Variants in COMMD7 observed in about 807,000 individuals in gnomAD.
COMMD7 encodes the protein COMM domain-containing protein 7.
Under a neutral mutation model 34.8 loss-of-function variants are expected in COMMD7, and 28 were observed. The observed-to-expected ratio is 0.80, with a 90% confidence interval of 0.60 to 1.10. The LOEUF is 1.10. COMMD7 is among the 50% of genes least tolerant of loss of function. The pLI, the probability that COMMD7 is intolerant of heterozygous loss-of-function variation, is 0.00. For missense variants in COMMD7, 211 were observed against 241.6 expected, an observed-to-expected ratio of 0.87 and a Z score of 0.84; for synonymous variants, 80 against 86.4, an observed-to-expected ratio of 0.93 and a Z score of 0.41.
chr20:32,713,567 G>A (rs1984595830), intron 3 of COMMD7, among the ~76,000 whole-genome samples: 1 of 152,244 alleles, frequency 6.6e-6, no homozygotes, highest in South Asian at 2.1e-4. Flanking sequence ...GGGAGAGGAT[G>A]GAGAGCTGCT....
intron 3 of COMMD7, among the ~76,000 whole-genome samples, chr20:32,718,688 G>A (rs1984963900): frequency 6.6e-6 from 1 of 151,466 alleles, no homozygotes; most frequent in South Asian, 2.1e-4. Flanking sequence ...GACAGAGCGA[G>A]ACTCTGTCTC....
intron 1 of COMMD7, among the ~76,000 whole-genome samples, chr20:32,731,854 G>A (rs528110860): frequency 1.3e-5 from 2 of 152,242 alleles, no homozygotes; most frequent in South Asian, 4.1e-4. Context: ...AAAATCTTAA[G>A]GATTCTCCCC....
chr20:32,714,053 C>T (rs1167849785), intron 3 of COMMD7, among the ~76,000 whole-genome samples: 1 of 152,050 alleles, frequency 6.6e-6, no homozygotes, highest in Non-Finnish European at 1.5e-5. Context: ...GTGGAGGCTG[C>T]AGTGAGCCGA....
chr20:32,710,564 C>G (rs1271599766), intron 3 of COMMD7, among the ~76,000 whole-genome samples: 1 of 151,186 alleles, frequency 6.6e-6, no homozygotes, highest in Non-Finnish European at 1.5e-5. Context: ...GACCCCATCT[C>G]TACAAAATAA....
intron 3 of COMMD7, among the ~76,000 whole-genome samples, chr20:32,718,234 C>G (rs1984928530): frequency 6.6e-6 from 1 of 151,548 alleles, no homozygotes; most frequent in Admixed American, 6.6e-5. Flanking sequence ...GAAACCCCGT[C>G]TCTACTAAAA....
At chr20:32,734,301 C>T (rs973858095) in intron 1 of COMMD7, among the ~76,000 whole-genome samples, 1 of 151,562 alleles carries the variant, frequency 6.6e-6, no homozygotes, top group Non-Finnish European at 1.5e-5. Flanking sequence ...GGTGAAACCC[C>T]GTCTCTACTA....
chr20:32,726,062 C>CAA lies in COMMD7; in HGVS notation c.241+1829_241+1830dup, dbSNP rs34689858. 5.1e-3 allele frequency among the ~76,000 whole-genome samples: 364 copies of CAA among 70,968 alleles called. 4 individuals carry two copies. The highest frequency in any genetic ancestry group is 0.018 in the African/African-American group (318 of 17,610). The allele number at this position is 70,968 out of a possible 152,430, so 46.6% of individuals were successfully genotyped here. On this transcript the variant is annotated intron_variant, in intron 3 of 8. Transcript: ENST00000278980. ...TGGGCAACAGAGCAAAAGCCTGTCT[C>CAA]AAAAAAAAAAAAAAAAAAAAAAAGT... is the stretch of plus-strand genomic sequence containing the variant.
intron 1 of COMMD7, among the ~76,000 whole-genome samples, chr20:32,732,083 T>C (rs1424394190): frequency 1.3e-5 from 2 of 152,102 alleles, no homozygotes; most frequent in African/African-American, 4.8e-5. Context: ...ACAATGTGCA[T>C]CTAACTTGTA....
At chr20:32,718,859 A>T (rs1984977832) in intron 3 of COMMD7, among the ~76,000 whole-genome samples, 1 of 151,496 alleles carries the variant, frequency 6.6e-6, no homozygotes, top group South Asian at 2.1e-4. Flanking sequence ...TCTTTACTGT[A>T]GGACTTTTCA....
intron 1 of COMMD7, among the ~76,000 whole-genome samples, chr20:32,732,903 T>C (rs1985921827): frequency 6.6e-6 from 1 of 151,412 alleles, no homozygotes. Flanking sequence ...GCCACTGCAC[T>C]CCAGCCTGGG....
intron 3 of COMMD7, among the ~76,000 whole-genome samples, chr20:32,711,878 T>C (rs566420776): frequency 2.0e-5 from 3 of 152,096 alleles, no homozygotes; most frequent in Non-Finnish European, 2.9e-5. Context: ...AGTTATTCCA[T>C]GCTGGGCTTA....
At chr20:32,715,806 CA>C (rs961882780) in intron 3 of COMMD7, among the ~76,000 whole-genome samples, 2 of 150,722 alleles carry the variant, frequency 1.3e-5, no homozygotes, top group Non-Finnish European at 3.0e-5. Context: ...GATTCTGTCT[CA>C]AAAAAAATAA....
intron 3 of COMMD7, among the ~76,000 whole-genome samples, chr20:32,725,999 G>A (rs1334937006): frequency 6.7e-6 from 1 of 149,764 alleles, no homozygotes; most frequent in Non-Finnish European, 1.5e-5. Context: ...GGAGGCGGAG[G>A]TTGCAGTAAG....
intron 3 of COMMD7, among the ~76,000 whole-genome samples, chr20:32,707,237 T>G (rs1242076914): frequency 1.8e-4 from 25 of 140,322 alleles, no homozygotes; most frequent in Middle Eastern, 3.8e-3. Context: ...TGAGCCGAGA[T>G]CACGCCACTG....
At chr20:32,738,312 G>C (rs1366554876) in intron 1 of COMMD7, among the ~76,000 whole-genome samples, 3 of 152,146 alleles carry the variant, frequency 2.0e-5, no homozygotes, top group African/African-American at 7.2e-5. Flanking sequence ...CTTTTGGCCA[G>C]GTACGGTGGC....
At chr20:32,716,975 G>T (rs1984828905) in intron 3 of COMMD7, among the ~76,000 whole-genome samples, 1 of 151,936 alleles carries the variant, frequency 6.6e-6, no homozygotes, top group African/African-American at 2.4e-5. Context: ...GGGACTACAG[G>T]TGCCCACCAA....
Position 32,704,051 on chromosome 20 carries a change from T to C in COMMD7, c.498A>G (p.Lys166=). The C allele has an allele frequency of 6.2e-7, 1 of 1,609,340 alleles. No homozygotes were observed. The highest frequency in any genetic ancestry group is 1.1e-5 in the South Asian group (1 of 89,926). The change falls in exon 8 of 9, where the codon AAA becomes AAG. Residue 166 remains lysine (K), a synonymous_variant. Coordinates refer to ENST00000278980, the MANE Select transcript of COMMD7 (RefSeq NM_053041.3). The part of the protein sequence containing the change: ...IFLQLKLVVK[K]GNQTENVYIE... ...TATACACATTTTCGGTTTGATTTCC[T>C]TTCTTAACCACCAACTTTAGCTGAT... is the stretch of plus-strand genomic sequence containing the variant.
At chr20:32,710,591 T>C (rs1984374505) in intron 3 of COMMD7, among the ~76,000 whole-genome samples, 1 of 151,756 alleles carries the variant, frequency 6.6e-6, no homozygotes, top group Admixed American at 6.6e-5. Flanking sequence ...TAGCAAGGTA[T>C]AGTGGCACAG....
intron 3 of COMMD7, among the ~76,000 whole-genome samples, 156 bp from the exon 4 acceptor site, chr20:32,706,916 T>TC (rs1018503007): frequency 1.3e-5 from 2 of 151,974 alleles, no homozygotes; most frequent in African/African-American, 4.8e-5. Context: ...GGAAATAGCA[T>TC]CCGAAATGAC....
Sources: gnomAD v4.1 joint callset for allele counts (sites outside exome capture counted in the v4.1 genomes callset) on GRCh38, gnomAD v4.1.1 for gene constraint, MANE v1.5 for transcripts, NCBI Gene and HGNC (gene_info 2026-07-23, HGNC 2026-07-21) for gene names.